The following LRRC4C variants were observed in gnomAD, a reference collection of about 807,000 sequenced individuals.
LRRC4C encodes leucine-rich repeat-containing protein 4C.
A neutral mutation model predicts 33.6 loss-of-function variants in LRRC4C; 5 were observed. The observed-to-expected ratio is 0.15, with a 90% CI of 0.08 to 0.31. The LOEUF is 0.31. Among genes scored for constraint, LRRC4C ranks in the 10% least tolerant of loss-of-function variants. The pLI is 1.00. For synonymous variants in LRRC4C, 329 were observed against 302.0 expected (o/e 1.09, Z -0.93); for missense variants, 560 against 796.7 (o/e 0.70, Z 3.58).
intron 1 of LRRC4C, among the ~76,000 whole-genome samples, chr11:41,316,961 TG>T (rs1950815332): frequency 6.6e-6 from 1 of 152,230 alleles, no homozygotes; most frequent in Non-Finnish European, 1.5e-5. Context: ...TGTGACCTTG[TG>T]GGAAGTCAGT....
At chr11:40,926,519 A>G (rs535145563) in intron 2 of LRRC4C, among the ~76,000 whole-genome samples, 14 of 152,186 alleles carry the variant, frequency 9.2e-5, no homozygotes, top group Non-Finnish European at 2.1e-4. Context: ...AACTTTCTAA[A>G]TTTGGCAAGG....
At chr11:41,257,721 C>T (rs1260481843) in intron 1 of LRRC4C, among the ~76,000 whole-genome samples, 1 of 151,942 alleles carries the variant, frequency 6.6e-6, no homozygotes, top group South Asian at 2.1e-4. Context: ...AGATGTAGGC[C>T]GATACTAAAA....
At chr11:41,139,454 ATC>A (rs928136634) in intron 1 of LRRC4C, among the ~76,000 whole-genome samples, 38 of 152,348 alleles carry the variant, frequency 2.5e-4, no homozygotes, top group Non-Finnish European at 4.7e-4. Context: ...AAGGCTGGAG[ATC>A]TATGTATGGC....
chr11:40,291,111 G>A (rs1012363816), intron 4 of LRRC4C, among the ~76,000 whole-genome samples: 2 of 151,984 alleles, frequency 1.3e-5, no homozygotes, highest in Non-Finnish European at 2.9e-5. Context: ...CTTCTGGCTC[G>A]AAAGTTATAT....
chr11:40,287,777 A>T (rs1253574503), intron 4 of LRRC4C, among the ~76,000 whole-genome samples: 1 of 152,204 alleles, frequency 6.6e-6, no homozygotes, highest in Non-Finnish European at 1.5e-5. Context: ...TCCACAATTC[A>T]CAAAGTATAT....
intron 2 of LRRC4C, among the ~76,000 whole-genome samples, chr11:40,837,090 G>A (rs10742563): frequency 0.6 from 91,125 of 151,952 alleles, 31,910 homozygotes; most frequent in East Asian, 0.86. Context: ...GAGATCCTCC[G>A]TTTTACTGTT....
chr11:40,725,271 C>T (rs1007913666), intron 2 of LRRC4C, among the ~76,000 whole-genome samples: 6 of 152,094 alleles, frequency 3.9e-5, no homozygotes, highest in African/African-American at 1.4e-4. Flanking sequence ...TTCTGGGAGG[C>T]CGAGGCAGGT....
At chr11:41,440,510 T>C (rs149281446) in intron 1 of LRRC4C, among the ~76,000 whole-genome samples, 36 of 152,246 alleles carry the variant, frequency 2.4e-4, no homozygotes, top group African/African-American at 8.4e-4. Flanking sequence ...ACAAATCAAA[T>C]GACAGTTACG....
At chr11:41,253,686 A>G (rs960588150) in intron 1 of LRRC4C, among the ~76,000 whole-genome samples, 9 of 152,118 alleles carry the variant, frequency 5.9e-5, no homozygotes, top group African/African-American at 1.9e-4. Context: ...TTAAGCTTCA[A>G]AATTGCTAAG....
chr11:41,121,061 G>A (rs1007288794), intron 1 of LRRC4C, among the ~76,000 whole-genome samples: 2 of 152,066 alleles, frequency 1.3e-5, no homozygotes, highest in Non-Finnish European at 2.9e-5. Context: ...CCCAGTCTCA[G>A]GTAATTCTTT....
intron 1 of LRRC4C, among the ~76,000 whole-genome samples, chr11:41,137,774 G>A (rs752323806): frequency 3.3e-5 from 5 of 152,218 alleles, no homozygotes; most frequent in Non-Finnish European, 5.9e-5. Flanking sequence ...CTCCAAAAGT[G>A]TGAATATATT....
At chr11:40,701,076 C>T (rs1338685029) in intron 2 of LRRC4C, among the ~76,000 whole-genome samples, 2 of 152,072 alleles carry the variant, frequency 1.3e-5, no homozygotes, top group Non-Finnish European at 2.9e-5. Context: ...GGCTTCACCT[C>T]CCATAAAAGT....
intron 5 of LRRC4C, among the ~76,000 whole-genome samples, chr11:40,152,427 G>A (rs1291206752): frequency 6.6e-6 from 1 of 152,144 alleles, no homozygotes; most frequent in Non-Finnish European, 1.5e-5. Context: ...ATTTGAAGGG[G>A]GCGAGAAGCC....
rs140541420 is a variant in LRRC4C at position 41,318,366 on chromosome 11, G to A, written c.-496+141065C>T. Among the ~76,000 whole-genome samples, 15 of 152,184 alleles carry A rather than the reference G, an allele frequency of 9.9e-5. No homozygotes were observed. In the East Asian group the frequency reaches 2.7e-3, roughly 27 times the overall value. ...CTACCTATCTCTTTAACCTTACCTGGTAGTGCAAGGGATACATACTGACAG... is the reference window on the plus strand; with the variant it reads ...CTACCTATCTCTTTAACCTTACCTGATAGTGCAAGGGATACATACTGACAG... On this transcript the variant is annotated intron_variant, in intron 1 of 6. Transcript: ENST00000528697.
chr11:41,262,459 A>G (rs958280400), intron 1 of LRRC4C, among the ~76,000 whole-genome samples: 8 of 151,728 alleles, frequency 5.3e-5, no homozygotes, highest in Non-Finnish European at 1.0e-4. Context: ...CCAAACAGGG[A>G]ACGCTTCTAC....
chr11:40,627,964 C>CCTTACAT (rs1028380227), intron 3 of LRRC4C, among the ~76,000 whole-genome samples: 2 of 152,074 alleles, frequency 1.3e-5, no homozygotes, highest in African/African-American at 4.8e-5. Flanking sequence ...ATTGTAATTT[C>CCTTACAT]CTTACATTGA....
At chr11:41,359,966 C>T (rs568925903) in intron 1 of LRRC4C, among the ~76,000 whole-genome samples, 22 of 152,226 alleles carry the variant, frequency 1.4e-4, no homozygotes, top group Admixed American at 4.6e-4. Context: ...GCAGATCATC[C>T]GCAGTCAGGA....
chr11:40,336,032 T>C (rs756750216), intron 3 of LRRC4C, among the ~76,000 whole-genome samples: 4 of 152,170 alleles, frequency 2.6e-5, no homozygotes, highest in African/African-American at 4.8e-5. Context: ...ATACTAAGCA[T>C]TGTATGAGTA....
At position 40,694,304 on chromosome 11, in the gene LRRC4C, G is replaced by C. The variant is rs1310370474; in HGVS notation, c.-406-46026C>G. 2.0e-5 allele frequency among the ~76,000 whole-genome samples: 3 copies of C among 152,094 alleles called. No individual in the cohort carries two copies. In the South Asian group the frequency reaches 6.2e-4, roughly 31 times the overall value. ...TTCCATCCAGAATTGGGACAGCATT[G>C]GAGAAAATAAATAGTGAATAGAAAT... On this transcript the variant is annotated intron_variant, in intron 2 of 6. Coordinates refer to ENST00000528697, the MANE Select transcript of LRRC4C (RefSeq NM_001258419.2).
Sources: gnomAD v4.1 joint callset for allele counts (sites outside exome capture counted in the v4.1 genomes callset) on GRCh38, gnomAD v4.1.1 for gene constraint, MANE v1.5 for transcripts, NCBI Gene and HGNC (gene_info 2026-07-23, HGNC 2026-07-21) for gene names.